The following PRX variants were observed in gnomAD, a reference collection of about 807,000 sequenced individuals.
PRX encodes the protein periaxin.
Under a neutral mutation model 29.6 loss-of-function variants are expected in PRX, and 24 were observed. The ratio of observed to expected loss-of-function variants is 0.81; its 90% CI spans 0.59 to 1.14. The LOEUF (loss-of-function observed/expected upper bound fraction) is 1.14, where lower values mean the gene tolerates loss of function less well. Among genes scored for constraint, PRX ranks in the 50% most tolerant of loss-of-function variants. PRX has a pLI of 0.00. For synonymous variants in PRX, 772 were observed against 831.7 expected, an observed-to-expected ratio of 0.93 and a Z score of 1.24; for missense variants, 1,838 against 1,926.4, an observed-to-expected ratio of 0.95 and a Z score of 0.86.
At chr19:40,399,905 T>TTCTTTCTTTCTC (rs1555801711) in intron 5 of PRX, among the ~76,000 whole-genome samples, 1 of 73,970 alleles carries the variant, frequency 1.4e-5, no homozygotes, top group Non-Finnish European at 2.6e-5. Flanking sequence ...CTTTCTTTCT[T>TTCTTTCTTTCTC]TTTCTTTCTT....
Position 40,398,692 on chromosome 19 carries a change from C to G in PRX, c.309G>C (p.Gly103=), listed in dbSNP as rs750972988. The G allele has an allele frequency of 5.0e-6, 8 of 1,613,924 alleles. No homozygotes were observed. The highest frequency in any genetic ancestry group is 1.7e-5 in the Admixed American group (1 of 59,988). The part of the protein sequence containing the change: ...SFCLKRTVPT[G]DLALRPGTVS... ...CGGTCCCGGGCCGCAGAGCCAGGTC[C>G]CCGGTGGGCACAGTGCGCTTCAGGC... is the stretch of plus-strand genomic sequence containing the variant. Residue 103 remains glycine, a synonymous_variant, in exon 6 of 7, where the codon GGG becomes GGC. Coordinates refer to ENST00000324001, the MANE Select transcript of PRX (RefSeq NM_181882.3). The surrounding 1 kb of genome is among the most constrained non-coding windows in gnomAD (Gnocchi z 6.3).
chr19:40,404,380 G>A, intron 4 of PRX, among the ~76,000 whole-genome samples: 1 of 148,430 alleles, frequency 6.7e-6, no homozygotes, highest in East Asian at 2.0e-4. Context: ...ATTGAGAGGC[G>A]GGACCAGGAT....
rs991725640 is a variant in PRX at position 40,398,697 on chromosome 19, T to G, written c.304A>C (p.Thr102Pro). The change falls in exon 6 of 7, where the codon ACC becomes CCC. Residue 102 changes from threonine to proline, a missense_variant. This residue lies in a region of PRX where 666 missense variants were observed against 665.0 expected (regional missense o/e 1.00). Coordinates refer to ENST00000324001, the MANE Select transcript of PRX (RefSeq NM_181882.3). This position sits in a 1 kb window ranked among gnomAD's most constrained non-coding sequence, Gnocchi z 6.3. ...VSFCLKRTVP[T>P]GDLALRPGTV... ...CCGGGCCGCAGAGCCAGGTCCCCGG[T>G]GGGCACAGTGCGCTTCAGGCAGAAG... The G allele has an allele frequency of 6.8e-6, 11 of 1,613,846 alleles. No individual in the cohort carries two copies. Among genetic ancestry groups the G allele is most frequent in the Non-Finnish European group, 9.3e-6 (11 of 1,179,946 alleles).
At chr19:40,399,830 C>T (rs1482155788) in intron 5 of PRX, among the ~76,000 whole-genome samples, 1 of 149,806 alleles carries the variant, frequency 6.7e-6, no homozygotes, top group Non-Finnish European at 1.5e-5. Context: ...AGGCGTGAGC[C>T]ACTACACCCA....
In PRX at chr19:40,396,767, T is replaced by C. The variant is rs767098112; in HGVS notation, c.1585A>G (p.Lys529Glu). The C allele has an allele frequency of 4.3e-6, 7 of 1,611,034 alleles. No individual in the cohort carries two copies. Among genetic ancestry groups the C allele is most frequent in the African/African-American group, 2.7e-5 (2 of 74,824 alleles). ...EVQLLKVSEM[K>E]LPKVPEMAVP... ...GCCATCTCTGGCACCTTTGGGAGTT[T>C]CATCTCCGACACTTTCAGCAGCTGT... The change falls in exon 7 of 7, where the codon AAA (lysine) becomes GAA (glutamate). Residue 529 changes from lysine (K) to glutamate (E), a missense_variant. Lys to Glu is a moderately conservative substitution (Grantham distance 56, BLOSUM62 1). Transcript: ENST00000324001.
rs945980510 is a variant in PRX, at chr19:40,398,047, A to G, written c.382-77T>C. On this transcript the variant is annotated intron_variant, in intron 6 of 6. Transcript: ENST00000324001. This position sits in a 1 kb window ranked among gnomAD's most constrained non-coding sequence, Gnocchi z 6.3. ...GTGGACAGGAAGAGCCCCACCTGGT[A>G]TTGGACCAGGCGGGGGATGTGCTGG... 2 of 1,526,332 alleles carry G rather than the reference A, an allele frequency of 1.3e-6. No individual in the cohort carries two copies. Among genetic ancestry groups the G allele is most frequent in the African/African-American group, 1.4e-5 (1 of 72,482 alleles). The allele number at this position is 1,526,332 out of a possible 1,614,324, so 94.5% of individuals were successfully genotyped here.
Position 40,398,660 on chromosome 19 carries a change from CCAGACA to C in PRX, c.335_340del (p.Val112_Ser113del), listed in dbSNP as rs1359760408. The C allele has an allele frequency of 1.2e-5, 19 of 1,613,788 alleles. No individual in the cohort carries two copies. The highest frequency in any genetic ancestry group is 1.6e-5 in the Non-Finnish European group (19 of 1,179,922). On this transcript the variant is annotated inframe_deletion, in exon 6 of 7. Coordinates refer to ENST00000324001, the MANE Select transcript of PRX (RefSeq NM_181882.3). This position sits in a 1 kb window ranked among gnomAD's most constrained non-coding sequence, Gnocchi z 6.3. ...GGCCCGCGGGCCCTTGATCTCGTAGCCAGACACGGTCCCGGGCCGCAGAGCCAGGTC... is the reference window on the plus strand; with the variant it reads ...GGCCCGCGGGCCCTTGATCTCGTAGCCGGTCCCGGGCCGCAGAGCCAGGTC...
Position 40,403,801 on chromosome 19 carries a change from C to T in PRX, c.89G>A (p.Ser30Asn). ...GCCGCCGCCCGCTACGTTGATGCCG[C>T]TGACCCCGGTCTGCGCCTCCGTCTC... Reference protein sequence around the residue: ...IVETEAQTGVSGINVAGGGKE... With the variant: ...IVETEAQTGVNGINVAGGGKE... The change falls in exon 5 of 7, where the codon AGC becomes AAC. Residue 30 changes from serine to asparagine, a missense_variant. By Grantham distance (46) the Ser-to-Asn change is conservative. Transcript: ENST00000324001. 1 of 1,608,702 alleles carries T rather than the reference C, an allele frequency of 6.2e-7. No individual in the cohort carries two copies. Among genetic ancestry groups the T allele is most frequent in the Non-Finnish European group, 8.5e-7 (1 of 1,178,492 alleles).
intron 5 of PRX, among the ~76,000 whole-genome samples, chr19:40,399,855 C>CTTTCTTTCTTTCTTTT (rs1490492034): frequency 2.3e-5 from 2 of 85,708 alleles, no homozygotes; most frequent in Admixed American, 2.4e-4. Context: ...TCTTTCCTTT[C>CTTTCTTTCTTTCTTTT]TTTCTTTCTT....
At chr19:40,400,791 CCT>C (rs2079489331) in intron 5 of PRX, among the ~76,000 whole-genome samples, 1 of 151,974 alleles carries the variant, frequency 6.6e-6, no homozygotes, top group African/African-American at 2.4e-5. Context: ...ACTTGGACCT[CCT>C]CTCTGTCTAC....
chr19:40,403,569 C>G, intron 5 of PRX, 137 bp downstream of exon 5: 1 of 1,110,586 alleles, frequency 9.0e-7, no homozygotes. Context: ...CAAAGCCCCG[C>G]CCCAAGCCCT....
intron 4 of PRX, among the ~76,000 whole-genome samples, chr19:40,404,424 TG>T (rs71171571): frequency 0.27 from 17,551 of 65,220 alleles, 1,160 homozygotes; most frequent in African/African-American, 0.4. Context: ...AGGGCGGGGC[TG>T]GGGGGGGTTG....
intron 4 of PRX, among the ~76,000 whole-genome samples, chr19:40,406,131 C>A (rs1422748931): frequency 1.3e-5 from 2 of 151,390 alleles, no homozygotes; most frequent in Non-Finnish European, 2.9e-5. Context: ...CCTGTAATCC[C>A]AGCTACTCGG....
rs747871484 is a variant in PRX at position 40,395,703 on chromosome 19, C to T, written c.2649G>A (p.Glu883=). 1.5e-5 allele frequency: 25 copies of T among 1,613,928 alleles called. No individual in the cohort carries two copies. Among genetic ancestry groups the T allele is most frequent in the Non-Finnish European group, 2.1e-5 (25 of 1,179,988 alleles). The change falls in exon 7 of 7, where the codon GAG becomes GAA. Residue 883 remains glutamate, a synonymous_variant. Coordinates refer to ENST00000324001, the MANE Select transcript of PRX (RefSeq NM_181882.3). ...TGACCCCTGCTGCCACCTCAGGGCC[C>T]TCCACCCGCTCTCCCTTGCCCATTT... ...AAKMGKGERV[E]GPEVAAGVRE...
At chr19:40,409,453 A>ATTATTCTTATTC (rs1435513381) in intron 1 of PRX, among the ~76,000 whole-genome samples, 3 of 135,102 alleles carry the variant, frequency 2.2e-5, no homozygotes, top group African/African-American at 8.0e-5. Flanking sequence ...AATACTTGCT[A>ATTATTCTTATTC]TTATTATTAT....
In PRX at chr19:40,411,083, G is replaced by A. The variant is rs547243593; in HGVS notation, c.-243+2255C>T. Among the ~76,000 whole-genome samples the A allele has an allele frequency of 1.4e-4, 22 of 152,234 alleles. No individual in the cohort carries two copies. The South Asian group carries it at 4.6e-3, about 32-fold the overall frequency. On this transcript the variant is annotated intron_variant, in intron 1 of 6. Coordinates refer to ENST00000324001, the MANE Select transcript of PRX (RefSeq NM_181882.3). ...CTAGATGTTGTGGCTGTTATGGGGT[G>A]GAAACTGAGGCTCACAGAGGGGTCA...
chr19:40,412,476 A>ATATATAT (rs1179849071), intron 1 of PRX, among the ~76,000 whole-genome samples: 2 of 152,174 alleles, frequency 1.3e-5, no homozygotes, highest in African/African-American at 2.4e-5. Context: ...ATGCTTGATT[A>ATATATAT]ATATAAACTC....
At position 40,395,637 on chromosome 19, in the gene PRX, G is replaced by A. The variant is rs188765166; in HGVS notation, c.2715C>T (p.Thr905=). ...CAATTTCCACGGCGGGCAGCTGTGGGGTGACAATTTCAACAGAGGGCACTC... is the reference window on the plus strand; with the variant it reads ...CAATTTCCACGGCGGGCAGCTGTGGAGTGACAATTTCAACAGAGGGCACTC... ...GFRVPSVEIV[T]PQLPAVEIEE... The change falls in exon 7 of 7, where the codon ACC becomes ACT. Residue 905 remains threonine, a synonymous_variant. Coordinates refer to ENST00000324001, the MANE Select transcript of PRX (RefSeq NM_181882.3). 9 of 1,614,158 alleles carry A rather than the reference G, an allele frequency of 5.6e-6. No homozygotes were observed. The South Asian group carries it at 9.9e-5, about 18-fold the overall frequency.
rs762053224 is a variant in PRX, at chr19:40,394,228, C to T, written c.4124G>A (p.Arg1375Gln). 1.4e-5 allele frequency: 23 copies of T among 1,603,214 alleles called. No homozygotes were observed. The highest frequency in any genetic ancestry group is 1.3e-4 in the Admixed American group (8 of 59,454). The part of the protein sequence containing the change: ...EGASGRRGRV[R>Q]VRLPRVGLAA... ...CAGGCCTACACGTGGCAAGCGGACC[C>T]GGACCCGGCCCCGGCGACCCGAGGC... Residue 1375 changes from arginine (R) to glutamine (Q), a missense_variant, in exon 7 of 7, where the codon CGG (arginine) becomes CAG (glutamine). Arg to Gln is a conservative substitution (Grantham distance 43). Transcript: ENST00000324001. This position sits in a 1 kb window ranked among gnomAD's most constrained non-coding sequence, Gnocchi z 5.8.
Sources: gnomAD v4.1 joint callset for allele counts (sites outside exome capture counted in the v4.1 genomes callset) on GRCh38, gnomAD v4.1.1 for gene constraint, gnomAD v4.1.1 regional missense constraint, Gnocchi (gnomAD v3.1) non-coding constraint, MANE v1.5 for transcripts, NCBI Gene and HGNC (gene_info 2026-07-23, HGNC 2026-07-21) for gene names.